The following PIEZO2 variants were observed in gnomAD, a reference collection of about 807,000 sequenced individuals.
PIEZO2 encodes the protein piezo type mechanosensitive ion channel component 2.
PIEZO2 carries 172 observed loss-of-function variants against 337.3 expected under a neutral mutation model. The observed-to-expected ratio is 0.51, with a 90% CI of 0.45 to 0.58. The LOEUF is 0.58. Ranked by LOEUF, PIEZO2 falls within the 20% of genes least tolerant of loss-of-function variation. The pLI is 0.00. For synonymous variants in PIEZO2, 1,251 were observed against 1,228.5 expected (o/e 1.02, Z -0.38); for missense variants, 3,028 against 3,391.3 (o/e 0.89, Z 2.66).
In PIEZO2 at chr18:11,080,763, G is replaced by C. The variant is rs573544444; in HGVS notation, c.65-14541C>G. Among the ~76,000 whole-genome samples, 25 of 152,284 alleles carry C rather than the reference G, an allele frequency of 1.6e-4. No homozygotes were observed. In the South Asian group the frequency reaches 2.1e-3, roughly 13 times the overall value. On this transcript the variant is annotated intron_variant, in intron 1 of 55. Coordinates refer to ENST00000674853, the MANE Select transcript of PIEZO2 (RefSeq NM_001378183.1). The surrounding 1 kb of genome is among the most constrained non-coding windows in gnomAD (Gnocchi z 5.4). Reference sequence around the variant, plus strand: ...AGAGGCTGAGGCAGGAGAATCGCTTGAACTCGGGAGGCGGAGGTCACGGTG... The same window carrying C: ...AGAGGCTGAGGCAGGAGAATCGCTTCAACTCGGGAGGCGGAGGTCACGGTG...
chr18:10,930,382 C>T (rs1006096737), intron 3 of PIEZO2, among the ~76,000 whole-genome samples: 1 of 152,250 alleles, frequency 6.6e-6, no homozygotes, highest in African/African-American at 2.4e-5. Flanking sequence ...CAGAGCTTAA[C>T]CCTTTCAACC....
At chr18:10,858,165 C>CA (rs1366599645) in intron 5 of PIEZO2, among the ~76,000 whole-genome samples, 6 of 150,596 alleles carry the variant, frequency 4.0e-5, no homozygotes, top group South Asian at 4.2e-4. Context: ...ACTAAAAATA[C>CA]AAAAAATTAG....
At chr18:10,818,993 A>G (rs1352486130) in intron 7 of PIEZO2, among the ~76,000 whole-genome samples, 1 of 152,168 alleles carries the variant, frequency 6.6e-6, no homozygotes, top group African/African-American at 2.4e-5. Flanking sequence ...TTTTTTATCT[A>G]TATTGTTAGT....
rs2038297796 is a variant in PIEZO2, at chr18:11,070,414, T to C, written c.65-4192A>G. On this transcript the variant is annotated intron_variant, in intron 1 of 55. Transcript: ENST00000674853. The surrounding 1 kb of genome is among the most constrained non-coding windows in gnomAD (Gnocchi z 4.3). ...TGAAATAATAAGAAAAAATGAACTC[T>C]CTGAAGGAAAGAACACTAAAGAGAG... Among the ~76,000 whole-genome samples, 1 of 152,022 alleles carries C rather than the reference T, an allele frequency of 6.6e-6. No individual in the cohort carries two copies. Among genetic ancestry groups the C allele is most frequent in the African/African-American group, 2.4e-5 (1 of 41,378 alleles).
intron 4 of PIEZO2, among the ~76,000 whole-genome samples, chr18:10,880,190 T>C (rs922951277): frequency 2.0e-5 from 3 of 152,038 alleles, no homozygotes; most frequent in Non-Finnish European, 4.4e-5. Context: ...ACTACACCAA[T>C]TACTTTGACT....
chr18:11,087,813 G>A (rs2038957466), intron 1 of PIEZO2, among the ~76,000 whole-genome samples: 1 of 152,224 alleles, frequency 6.6e-6, no homozygotes, highest in Admixed American at 6.5e-5. Flanking sequence ...CAATCAAGTG[G>A]GCTTGTGCAC....
chr18:10,771,389 C>G (rs1490659048), intron 20 of PIEZO2, among the ~76,000 whole-genome samples: 1 of 152,214 alleles, frequency 6.6e-6, no homozygotes, highest in African/African-American at 2.4e-5. Flanking sequence ...TGTGCTAAAA[C>G]AGGAGTCATG....
At chr18:10,797,607 G>T in intron 11 of PIEZO2, 85 bp from the exon 12 acceptor site, 1 of 1,485,128 alleles carries the variant, frequency 6.7e-7, no homozygotes, top group Non-Finnish European at 8.9e-7. Flanking sequence ...CACATGTATG[G>T]TTTTGGTATA....
rs754561923 is a variant in PIEZO2 at position 10,696,560 on chromosome 18, C to G, written c.6828-21G>C. Reference sequence around the variant, plus strand: ...GCGTCCTGCAAAATGGAGACCCCCACCCCCAACCCACTTGTTTCAGGAAGG... The same window carrying G: ...GCGTCCTGCAAAATGGAGACCCCCAGCCCCAACCCACTTGTTTCAGGAAGG... On this transcript the variant is annotated intron_variant, in intron 45 of 55. Transcript: ENST00000674853. The G allele has an allele frequency of 6.2e-6, 10 of 1,612,052 alleles. No individual in the cohort carries two copies. The South Asian group carries it at 1.1e-4, about 18-fold the overall frequency.
chr18:10,739,124 A>G (rs1436573736), intron 33 of PIEZO2: 1 of 152,214 alleles, frequency 6.6e-6, no homozygotes, highest in Non-Finnish European at 1.5e-5. Flanking sequence ...GGAACTCATC[A>G]TAGACACAAC....
At chr18:10,812,488 T>C (rs763456033) in intron 7 of PIEZO2, among the ~76,000 whole-genome samples, 13 of 152,070 alleles carry the variant, frequency 8.5e-5, no homozygotes, top group East Asian at 1.9e-4. Context: ...TTTATAGATA[T>C]AACAAACCTG....
At chr18:11,010,082 C>A (rs1207102220) in intron 2 of PIEZO2, among the ~76,000 whole-genome samples, 2 of 152,110 alleles carry the variant, frequency 1.3e-5, no homozygotes, top group Non-Finnish European at 1.5e-5. Context: ...TGAAGGAGCT[C>A]CTGAAACCTC....
rs1013418207 is a variant in PIEZO2, at chr18:10,762,582, T to C, written c.3167A>G (p.Lys1056Arg). ...QTNIPFNELN[K>R]SLLYSAPIDP... ...GATAGGAGCGCTGTAGAGCAGAGACTTGTTCAACTCATTAAAGGGGATGTT... is the reference window on the plus strand; with the variant it reads ...GATAGGAGCGCTGTAGAGCAGAGACCTGTTCAACTCATTAAAGGGGATGTT... Residue 1056 changes from lysine to arginine, a missense_variant, in exon 23 of 56, where the codon AAG (lysine) becomes AGG (arginine). Lys to Arg is a conservative substitution (Grantham distance 26, BLOSUM62 2). Around this residue, in one of 5 missense-constraint regions of PIEZO2, gnomAD observed 1,925 missense variants for 2,051.9 expected, o/e 0.94. Transcript: ENST00000674853. The C allele has an allele frequency of 2.6e-6, 4 of 1,537,490 alleles. No individual in the cohort carries two copies. The highest frequency in any genetic ancestry group is 2.6e-6 in the Non-Finnish European group (3 of 1,146,942).
chr18:10,692,211 T>C (rs955516196), intron 47 of PIEZO2, among the ~76,000 whole-genome samples: 2 of 152,246 alleles, frequency 1.3e-5, no homozygotes, highest in East Asian at 3.9e-4. Context: ...TTTTAGAATA[T>C]AATTTCAAAG....
In PIEZO2 at chr18:10,822,591, G is replaced by A. The variant is rs182734292; in HGVS notation, c.918-15317C>T. On this transcript the variant is annotated intron_variant, in intron 7 of 55. Coordinates refer to ENST00000674853, the MANE Select transcript of PIEZO2 (RefSeq NM_001378183.1). ...GGAAAGCATGGAGGGAACCAGGCCA[G>A]TGTCTGCTGGCCTCCAATCAGCCTA... Among the ~76,000 whole-genome samples, 796 of 152,334 alleles carry A rather than the reference G, an allele frequency of 5.2e-3. 12 individuals carry two copies. The highest frequency in any genetic ancestry group is 0.022 in the Admixed American group (340 of 15,296).
At chr18:10,744,331 T>C (rs918306879) in intron 30 of PIEZO2, 100 bp from the exon 31 acceptor site, 1 of 749,406 alleles carries the variant, frequency 1.3e-6, no homozygotes, top group Admixed American at 2.3e-5. Flanking sequence ...ATAACATCTC[T>C]TAATGGCAGC....
intron 2 of PIEZO2, among the ~76,000 whole-genome samples, chr18:11,044,172 TAC>T (rs954984692): frequency 6.2e-5 from 8 of 128,486 alleles, no homozygotes; most frequent in East Asian, 2.2e-4. Flanking sequence ...TATATATATA[TAC>T]ACACACACAC....
rs2036022769 is a variant in PIEZO2, at chr18:10,716,664, C to A, written c.5090-848G>T. Among the ~76,000 whole-genome samples the A allele has an allele frequency of 6.6e-6, 1 of 152,164 alleles. No homozygotes were observed. On this transcript the variant is annotated intron_variant, in intron 37 of 55. Transcript: ENST00000674853. The surrounding 1 kb of genome is among the most constrained non-coding windows in gnomAD (Gnocchi z 4.1). ...ATGTTTCCCTCTCCGCCCCTCCTCA[C>A]ATCCTTTATAAAATCTCAAGCAAGG...
At position 10,979,246 on chromosome 18, in the gene PIEZO2, A is replaced by T. The variant is rs1209603726; in HGVS notation, c.286+289T>A. The stretch of plus-strand genomic sequence containing the variant: ...ATGAAAGCTCCAAGGGCTGTCTGTA[A>T]CTCTTGAATTTTAGGTTAAGCTCAA... On this transcript the variant is annotated intron_variant, in intron 3 of 55. Coordinates refer to ENST00000674853, the MANE Select transcript of PIEZO2 (RefSeq NM_001378183.1). The surrounding 1 kb of genome is among the most constrained non-coding windows in gnomAD (Gnocchi z 4.0). Among the ~76,000 whole-genome samples, 1 of 151,458 alleles carries T rather than the reference A, an allele frequency of 6.6e-6. No individual in the cohort carries two copies. The highest frequency in any genetic ancestry group is 2.4e-5 in the African/African-American group (1 of 41,266).
Sources: gnomAD v4.1 joint callset for allele counts (sites outside exome capture counted in the v4.1 genomes callset) on GRCh38, gnomAD v4.1.1 for gene constraint, gnomAD v4.1.1 regional missense constraint, Gnocchi (gnomAD v3.1) non-coding constraint, MANE v1.5 for transcripts, NCBI Gene and HGNC (gene_info 2026-07-23, HGNC 2026-07-21) for gene names.